NPR1: variants seen among roughly 807,000 people sequenced by gnomAD.
NPR1 encodes natriuretic peptide receptor 1.
NPR1 carries 57 observed loss-of-function variants against 116.9 expected under a neutral mutation model. The ratio of observed to expected loss-of-function variants is 0.49; its 90% CI spans 0.39 to 0.61. The LOEUF is 0.61. Ranked by LOEUF, NPR1 falls within the 20% of genes least tolerant of loss-of-function variation. NPR1 has a pLI of 0.00. For synonymous variants in NPR1, 555 were observed against 601.6 expected, an observed-to-expected ratio of 0.92 and a Z score of 1.13; for missense variants, 1,096 against 1,409.8, an observed-to-expected ratio of 0.78 and a Z score of 3.56.
Position 153,693,160 on chromosome 1 carries a change from G to A in NPR1, c.3086G>A (p.Gly1029Asp), listed in dbSNP as rs1380907408. Residue 1029 changes from glycine to aspartate, a missense_variant, in exon 21 of 22, where the codon GGT becomes GAT. Coordinates refer to ENST00000368680, the MANE Select transcript of NPR1 (RefSeq NM_000906.4). ...AAGGCTGTCCTGGAGGAGTTTGGTG[G>A]TTTCGAGCTGGAGCTTCGAGGGGAT... Reference protein sequence around the residue: ...ETKAVLEEFGGFELELRGDVE... With the variant: ...ETKAVLEEFGDFELELRGDVE... The A allele has an allele frequency of 6.2e-7, 1 of 1,613,944 alleles. No individual in the cohort carries two copies. Among genetic ancestry groups the A allele is most frequent in the African/African-American group, 1.3e-5 (1 of 74,936 alleles).
rs779808651 is a variant in NPR1, at chr1:153,689,156, A to G, written c.2565-32A>G. The G allele has an allele frequency of 5.6e-6, 9 of 1,613,808 alleles. No homozygotes were observed. The highest frequency in any genetic ancestry group is 2.2e-5 in the South Asian group (2 of 91,072). On this transcript the variant is annotated intron_variant, in intron 16 of 21. Transcript: ENST00000368680. The surrounding 1 kb of genome is among the most constrained non-coding windows in gnomAD (Gnocchi z 5.1). ...CACAAAGCCCCTGTCCCGACCCCCAACTCTGATCCTGCACCTGCCCTGACC... is the reference window on the plus strand; with the variant it reads ...CACAAAGCCCCTGTCCCGACCCCCAGCTCTGATCCTGCACCTGCCCTGACC...
chr1:153,689,695 G>A lies in NPR1; in HGVS notation c.2758-111G>A, dbSNP rs763788943. 9.2e-6 allele frequency: 12 copies of A among 1,298,224 alleles called. No individual in the cohort carries two copies. The highest frequency in any genetic ancestry group is 2.6e-4 in the Middle Eastern group (1 of 3,786). 80.4% of individuals were successfully genotyped at this position (1,298,224 alleles called of 1,614,324 possible). ...AGAGAACCCATGTGGGATGGGGGAT[G>A]AGCAAAGACAGATGAGGGTACAGAA... On this transcript the variant is annotated intron_variant, in intron 18 of 21. Coordinates refer to ENST00000368680, the MANE Select transcript of NPR1 (RefSeq NM_000906.4). This position sits in a 1 kb window ranked among gnomAD's most constrained non-coding sequence, Gnocchi z 5.1.
chr1:153,681,962 A>G (rs1409384206), intron 4 of NPR1, 123 bp downstream of exon 4: 9 of 1,229,302 alleles, frequency 7.3e-6, no homozygotes, highest in Non-Finnish European at 1.0e-5. Flanking sequence ...CTTTTCCTCC[A>G]CAGCTTTTTT....
Position 153,679,937 on chromosome 1 carries a change from C to A in NPR1, c.721+108C>A. 3 of 1,398,714 alleles carry A rather than the reference C, an allele frequency of 2.1e-6. No individual in the cohort carries two copies. Among genetic ancestry groups the A allele is most frequent in the Non-Finnish European group, 2.9e-6 (3 of 1,050,716 alleles). 86.6% of individuals were successfully genotyped at this position (1,398,714 alleles called of 1,614,324 possible). ...TCATCTGGGGGCACTCTTCTTTCTC[C>A]TCGCCGTTCTTCATTCTACTTTCAG... is the stretch of plus-strand genomic sequence containing the variant. On this transcript the variant is annotated intron_variant, in intron 1 of 21. Coordinates refer to ENST00000368680, the MANE Select transcript of NPR1 (RefSeq NM_000906.4). The surrounding 1 kb of genome is among the most constrained non-coding windows in gnomAD (Gnocchi z 4.2).
chr1:153,681,227 G>A lies in NPR1; in HGVS notation c.969G>A (p.Leu323=). ...TYKDPDNPEY[L]EFLKQLKHLA... is the part of the protein sequence containing the mutation. The stretch of plus-strand genomic sequence containing the variant: ...AAGACCCAGATAATCCCGAGTACTT[G>A]GAATTCCTGAAGCAGTTAAAACACC... Residue 323 remains leucine, a synonymous_variant, in exon 3 of 22, where the codon TTG becomes TTA. Coordinates refer to ENST00000368680, the MANE Select transcript of NPR1 (RefSeq NM_000906.4). 1.2e-6 allele frequency: 2 copies of A among 1,613,736 alleles called. No individual in the cohort carries two copies. Among genetic ancestry groups the A allele is most frequent in the Non-Finnish European group, 1.7e-6 (2 of 1,179,734 alleles).
Position 153,689,434 on chromosome 1 carries a change from A to C in NPR1, c.2689-19A>C. ...GGGTCCCCTACTTCCTGTCTCTCTTAGCTTCTCTTCCCTTCCAGGTGGTGA... is the reference window on the plus strand; with the variant it reads ...GGGTCCCCTACTTCCTGTCTCTCTTCGCTTCTCTTCCCTTCCAGGTGGTGA... On this transcript the variant is annotated intron_variant, in intron 17 of 21. Transcript: ENST00000368680. The surrounding 1 kb of genome is among the most constrained non-coding windows in gnomAD (Gnocchi z 5.1). 6.2e-7 allele frequency: 1 copy of C among 1,613,958 alleles called. No homozygotes were observed. The highest frequency in any genetic ancestry group is 8.5e-7 in the Non-Finnish European group (1 of 1,179,896).
chr1:153,679,857 C>T lies in NPR1; in HGVS notation c.721+28C>T. 6.5e-7 allele frequency: 1 copy of T among 1,532,520 alleles called. No individual in the cohort carries two copies. Among genetic ancestry groups the T allele is most frequent in the Middle Eastern group, 1.7e-4 (1 of 5,872 alleles). The allele number at this position is 1,532,520 out of a possible 1,614,324, so 94.9% of individuals were successfully genotyped here. ...GAGACGCTGGCACACCCCGTCCCGCCGCTTAGCCGCAGGGCCTCCCCTCTG... is the reference window on the plus strand; with the variant it reads ...GAGACGCTGGCACACCCCGTCCCGCTGCTTAGCCGCAGGGCCTCCCCTCTG... On this transcript the variant is annotated intron_variant, in intron 1 of 21. Transcript: ENST00000368680. This position sits in a 1 kb window ranked among gnomAD's most constrained non-coding sequence, Gnocchi z 4.2.
intron 20 of NPR1, among the ~76,000 whole-genome samples, chr1:153,692,508 A>ATTTTTT (rs35874998): frequency 7.3e-6 from 1 of 136,954 alleles, no homozygotes; most frequent in African/African-American, 2.7e-5. Context: ...TGAGGCCCTG[A>ATTTTTT]TTTTTTTTTT....
At position 153,686,841 on chromosome 1, in the gene NPR1, T is replaced by C. The variant is rs1386464253; in HGVS notation, c.1863+91T>C. On this transcript the variant is annotated intron_variant, in intron 11 of 21. Transcript: ENST00000368680. ...AAGACCCCAGGCATGCCTCGCCCTCTTTCTGACCTTTCTGGCCCCATCTGT... is the reference window on the plus strand; with the variant it reads ...AAGACCCCAGGCATGCCTCGCCCTCCTTCTGACCTTTCTGGCCCCATCTGT... The C allele has an allele frequency of 3.1e-6, 4 of 1,301,412 alleles. No individual in the cohort carries two copies. In the East Asian group the frequency reaches 9.5e-5, roughly 31 times the overall value. The allele number at this position is 1,301,412 out of a possible 1,614,324, so 80.6% of individuals were successfully genotyped here. A position where few individuals can be genotyped will look rare whatever the true frequency, so the allele number is the denominator to read the frequency against.
intron 5 of NPR1, among the ~76,000 whole-genome samples, chr1:153,682,824 G>GCCTGC (rs1669819794): frequency 1.3e-5 from 2 of 152,216 alleles, no homozygotes; most frequent in East Asian, 3.9e-4. Flanking sequence ...GGGAGCACAA[G>GCCTGC]CCTGCCCTCG....
chr1:153,683,998 A>C (rs892381313), intron 7 of NPR1, among the ~76,000 whole-genome samples, 174 bp downstream of exon 7: 14 of 152,114 alleles, frequency 9.2e-5, no homozygotes, highest in African/African-American at 3.1e-4. Context: ...AAGAGAAGGG[A>C]ATGGCAGGGC....
chr1:153,679,016 G>A lies in NPR1; in HGVS notation c.-93G>A. ...TCCCGCTCCTGCTCCTTCCCATAGG[G>A]ACGCGCCTGATGCCTGGGACCGGCC... On this transcript the variant is annotated 5_prime_UTR_variant, in exon 1 of 22. Transcript: ENST00000368680. This position sits in a 1 kb window ranked among gnomAD's most constrained non-coding sequence, Gnocchi z 4.2. 7.4e-7 allele frequency: 1 copy of A among 1,343,346 alleles called. No individual in the cohort carries two copies. Among genetic ancestry groups the A allele is most frequent in the African/African-American group, 1.5e-5 (1 of 64,546 alleles). The allele number at this position is 1,343,346 out of a possible 1,614,324, so 83.2% of individuals were successfully genotyped here.
Position 153,686,268 on chromosome 1 carries a change from A to C in NPR1, c.1758+68A>C, listed in dbSNP as rs1221280296. 7 of 1,449,476 alleles carry C rather than the reference A, an allele frequency of 4.8e-6. No homozygotes were observed. In the East Asian group the frequency reaches 1.6e-4, roughly 33 times the overall value. 89.8% of individuals were successfully genotyped at this position (1,449,476 alleles called of 1,614,324 possible). ...GGGGACGCAAGGGAGACTGGCCAACAGAACTAGTTATGGAGGGACCTCAGG... is the reference window on the plus strand; with the variant it reads ...GGGGACGCAAGGGAGACTGGCCAACCGAACTAGTTATGGAGGGACCTCAGG... On this transcript the variant is annotated intron_variant, in intron 10 of 21. Coordinates refer to ENST00000368680, the MANE Select transcript of NPR1 (RefSeq NM_000906.4).
intron 20 of NPR1, among the ~76,000 whole-genome samples, chr1:153,692,340 CCTA>C (rs1013953212): frequency 3.3e-5 from 5 of 152,102 alleles, no homozygotes; most frequent in Non-Finnish European, 4.4e-5. Flanking sequence ...AGTGCCAGCT[CCTA>C]ACCACCATGC....
intron 13 of NPR1, 79 bp from the exon 14 acceptor site, chr1:153,687,555 T>C: frequency 6.6e-7 from 1 of 1,516,812 alleles, no homozygotes; most frequent in Non-Finnish European, 8.9e-7. Flanking sequence ...CCAGATCAGT[T>C]TCGGCCACAC....
At position 153,683,410 on chromosome 1, in the gene NPR1, T is replaced by G; in HGVS notation, c.1298T>G (p.Leu433Arg). Residue 433 changes from leucine to arginine, a missense_variant, in exon 6 of 22, where the codon CTG becomes CGG. By Grantham distance (102) the Leu-to-Arg change is moderately radical. Transcript: ENST00000368680. Reference protein sequence around the residue: ...VLNYNGTSQELVAVSGRKLNW... With the variant: ...VLNYNGTSQERVAVSGRKLNW... ...AACTACAATGGGACTTCCCAAGAGC[T>G]GGTGGCTGTGTCGGGGCGCAAACTG... The G allele has an allele frequency of 6.2e-7, 1 of 1,614,208 alleles. No individual in the cohort carries two copies.
In NPR1 at chr1:153,679,330, G is replaced by T; in HGVS notation, c.222G>T (p.Pro74=). The T allele has an allele frequency of 6.5e-7, 1 of 1,535,954 alleles. No homozygotes were observed. The highest frequency in any genetic ancestry group is 8.7e-7 in the Non-Finnish European group (1 of 1,147,254). ...TGAAGGCGCGCCCCGACTTGCTGCC[G>T]GGCTGGACGGTCCGCACGGTGCTGG... ...AQVKARPDLL[P]GWTVRTVLGS... Residue 74 remains proline, a synonymous_variant, in exon 1 of 22, where the codon CCG becomes CCT. Coordinates refer to ENST00000368680, the MANE Select transcript of NPR1 (RefSeq NM_000906.4). This position sits in a 1 kb window ranked among gnomAD's most constrained non-coding sequence, Gnocchi z 4.2.
intron 6 of NPR1, 63 bp from the exon 7 acceptor site, chr1:153,683,677 A>G: frequency 6.4e-7 from 1 of 1,568,790 alleles, no homozygotes; most frequent in Non-Finnish European, 8.8e-7. Flanking sequence ...GACTATTAGA[A>G]AGTTCTTCCT....
chr1:153,682,579 G>T lies in NPR1; in HGVS notation c.1253G>T (p.Gly418Val). 1 of 1,613,544 alleles carries T rather than the reference G, an allele frequency of 6.2e-7. No individual in the cohort carries two copies. Among genetic ancestry groups the T allele is most frequent in the Non-Finnish European group, 8.5e-7 (1 of 1,179,520 alleles). The change falls in exon 5 of 22, where the codon GGT (glycine) becomes GTT (valine). Residue 418 changes from glycine to valine, a missense_variant. Transcript: ENST00000368680. The part of the protein sequence containing the change: ...FSLWDMDPEN[G>V]AFRVVLNYNG... ...CTCTGGGATATGGATCCCGAGAATG[G>T]TGCCTTCAGGGTAAGTTTGTGCACC...
Sources: allele counts gnomAD v4.1 joint callset (sites outside exome capture counted in the v4.1 genomes callset), GRCh38; gene constraint gnomAD v4.1.1; non-coding constraint Gnocchi (gnomAD v3.1); transcripts MANE v1.5; gene names NCBI Gene and HGNC (gene_info 2026-07-23, HGNC 2026-07-21).